CDH9: variants seen among roughly 807,000 people sequenced by gnomAD.
The protein encoded by CDH9 is cadherin 9.
Under a neutral mutation model 70.9 loss-of-function variants are expected in CDH9, and 28 were observed. The observed-to-expected ratio is 0.40, with a 90% CI of 0.29 to 0.54. The LOEUF is 0.54. Ranked by LOEUF, CDH9 falls within the 20% of genes least tolerant of loss-of-function variation. The pLI is 0.59. For missense variants in CDH9, 874 were observed against 984.4 expected (o/e 0.89, Z 1.50); for synonymous variants, 409 against 343.1 (o/e 1.19, Z -2.12).
At chr5:27,037,637 G>A (rs1319857707) in intron 1 of CDH9, among the ~76,000 whole-genome samples, 1 of 151,858 alleles carries the variant, frequency 6.6e-6, no homozygotes, top group Non-Finnish European at 1.5e-5. Flanking sequence ...TTGAGCATGC[G>A]ATGGAAAACA....
chr5:26,903,915 T>A, intron 5 of CDH9, 91 bp from the exon 6 acceptor site: 1 of 658,496 alleles, frequency 1.5e-6, no homozygotes, highest in Non-Finnish European at 2.6e-6. Flanking sequence ...ACATTAATTT[T>A]AAATAGGGAG....
intron 2 of CDH9, among the ~76,000 whole-genome samples, chr5:26,917,576 T>C (rs1490478429): frequency 3.3e-5 from 5 of 152,076 alleles, no homozygotes; most frequent in Admixed American, 6.5e-5. Context: ...TTTTAAATCA[T>C]AGCCAAAATT....
intron 2 of CDH9, among the ~76,000 whole-genome samples, chr5:26,938,444 T>A (rs1741598995): frequency 6.6e-6 from 1 of 151,940 alleles, no homozygotes; most frequent in Non-Finnish European, 1.5e-5. Flanking sequence ...TAGGTGGAAA[T>A]CTCAGGATAG....
intron 1 of CDH9, among the ~76,000 whole-genome samples, chr5:27,028,746 G>A (rs1237706627): frequency 6.6e-6 from 1 of 151,872 alleles, no homozygotes; most frequent in Non-Finnish European, 1.5e-5. Flanking sequence ...TTAAGACTCA[G>A]AATATAGCAG....
intron 9 of CDH9, among the ~76,000 whole-genome samples, chr5:26,888,602 A>G (rs936702808): frequency 1.3e-5 from 2 of 152,142 alleles, no homozygotes; most frequent in African/African-American, 4.8e-5. Context: ...ACAAATAAAA[A>G]TCTCATTTGC....
At chr5:26,919,098 A>G (rs1037393176) in intron 2 of CDH9, among the ~76,000 whole-genome samples, 2 of 152,164 alleles carry the variant, frequency 1.3e-5, no homozygotes, top group African/African-American at 4.8e-5. Context: ...AAGCTTTCAT[A>G]TGAATGAAAA....
chr5:27,022,928 T>C (rs1314152924), intron 1 of CDH9, among the ~76,000 whole-genome samples: 1 of 151,622 alleles, frequency 6.6e-6, no homozygotes, highest in Non-Finnish European at 1.5e-5. Context: ...GTTCAGTTAT[T>C]TGTATTGTTC....
intron 9 of CDH9, among the ~76,000 whole-genome samples, chr5:26,886,775 A>G (rs1433692709): frequency 6.6e-6 from 1 of 152,166 alleles, no homozygotes; most frequent in East Asian, 1.9e-4. Flanking sequence ...GTAAGTAAAT[A>G]AGAAGTGTGT....
chr5:26,947,619 A>G (rs186076369), intron 2 of CDH9, among the ~76,000 whole-genome samples: 60 of 152,338 alleles, frequency 3.9e-4, no homozygotes, highest in Admixed American at 3.3e-3. Flanking sequence ...AACCTAGAAA[A>G]TAGACTCTGC....
At chr5:26,986,526 A>G (rs1742490699) in intron 2 of CDH9, among the ~76,000 whole-genome samples, 1 of 152,094 alleles carries the variant, frequency 6.6e-6, no homozygotes, top group Non-Finnish European at 1.5e-5. Flanking sequence ...CAATTTTTAG[A>G]GGAAGTATTT....
chr5:27,019,825 T>A (rs1176671139), intron 1 of CDH9, among the ~76,000 whole-genome samples: 2 of 151,888 alleles, frequency 1.3e-5, no homozygotes, highest in African/African-American at 4.8e-5. Flanking sequence ...TAACAGAAAA[T>A]TTAAGACAGA....
chr5:26,896,044 A>T (rs1740744476), intron 7 of CDH9, among the ~76,000 whole-genome samples: 1 of 152,032 alleles, frequency 6.6e-6, no homozygotes. Context: ...TGGTAGTACC[A>T]TCTGAAGAAT....
Position 27,008,130 on chromosome 5 carries a change from G to T in CDH9, c.-49-19748C>A, listed in dbSNP as rs1274404207. Among the ~76,000 whole-genome samples the T allele has an allele frequency of 2.6e-5, 4 of 152,018 alleles. 1 individual carries two copies. Among genetic ancestry groups the T allele is most frequent in the African/African-American group, 9.7e-5 (4 of 41,390 alleles). Reference sequence around the variant, plus strand: ...TGAGTTTACTGGAATTTATTAACTAGGTTTTATTTTTATTATATCTAGCAT... The same window carrying T: ...TGAGTTTACTGGAATTTATTAACTATGTTTTATTTTTATTATATCTAGCAT... On this transcript the variant is annotated intron_variant, in intron 1 of 11. Transcript: ENST00000231021.
intron 1 of CDH9, among the ~76,000 whole-genome samples, chr5:27,011,179 G>T (rs767965488): frequency 1.6e-4 from 25 of 152,034 alleles, no homozygotes; most frequent in Non-Finnish European, 2.9e-4. Context: ...CAGTTCTGAT[G>T]ATTATTTTGC....
At chr5:26,928,233 T>C (rs1457396515) in intron 2 of CDH9, among the ~76,000 whole-genome samples, 3 of 151,960 alleles carry the variant, frequency 2.0e-5, no homozygotes, top group Non-Finnish European at 2.9e-5. Flanking sequence ...ATGAAGAAAC[T>C]TATCCCATTT....
intron 2 of CDH9, among the ~76,000 whole-genome samples, chr5:26,935,739 C>G (rs907422629): frequency 1.3e-5 from 2 of 152,112 alleles, no homozygotes; most frequent in African/African-American, 4.8e-5. Flanking sequence ...TTGGATCCAG[C>G]AATCCCACTA....
At chr5:26,926,965 A>C (rs1323416845) in intron 2 of CDH9, among the ~76,000 whole-genome samples, 1 of 146,092 alleles carries the variant, frequency 6.8e-6, no homozygotes, top group Admixed American at 6.8e-5. Flanking sequence ...ATAAAACTGC[A>C]GGCCAAAATC....
chr5:26,977,417 A>G (rs1267251790), intron 2 of CDH9, among the ~76,000 whole-genome samples: 2 of 151,426 alleles, frequency 1.3e-5, no homozygotes, highest in Non-Finnish European at 2.9e-5. Flanking sequence ...TTTGTTTTCA[A>G]TAAGTAACAT....
At chr5:26,917,060 A>G (rs1340625332) in intron 2 of CDH9, among the ~76,000 whole-genome samples, 1 of 152,020 alleles carries the variant, frequency 6.6e-6, no homozygotes, top group Non-Finnish European at 1.5e-5. Flanking sequence ...CCTAGGAATT[A>G]CGAATTGAAA....
Sources: allele counts gnomAD v4.1 joint callset (sites outside exome capture counted in the v4.1 genomes callset), GRCh38; gene constraint gnomAD v4.1.1; transcripts MANE v1.5; gene names NCBI Gene and HGNC (gene_info 2026-07-23, HGNC 2026-07-21).